Variants in PLCZ1 observed in about 807,000 individuals in gnomAD.
PLCZ1 encodes the protein phospholipase C zeta 1.
PLCZ1 carries 64 observed loss-of-function variants against 76.8 expected under a neutral mutation model. That is an observed-to-expected ratio of 0.83 (90% CI 0.68 to 1.03). The LOEUF (loss-of-function observed/expected upper bound fraction) is 1.03. Ranked by LOEUF, PLCZ1 falls within the 50% of genes least tolerant of loss-of-function variation. The pLI is 0.00. For synonymous variants in PLCZ1, 248 were observed against 230.8 expected (o/e 1.07, Z -0.68); for missense variants, 751 against 713.7 (o/e 1.05, Z -0.60).
At chr12:18,714,409 A>T (rs1384509744) in intron 5 of PLCZ1, among the ~76,000 whole-genome samples, 1 of 152,176 alleles carries the variant, frequency 6.6e-6, no homozygotes, top group Non-Finnish European at 1.5e-5. Flanking sequence ...ACATAAACTG[A>T]CTGTTAGTAA....
chr12:18,677,290 A>T, the PLCZ1 span, among the ~76,000 whole-genome samples: 1 of 152,148 alleles, frequency 6.6e-6, no homozygotes, highest in Non-Finnish European at 1.5e-5. Flanking sequence ...CGAGCAAGAC[A>T]GTTTCTAGAA....
chr12:18,675,558 A>T, the PLCZ1 span, among the ~76,000 whole-genome samples: 5 of 152,178 alleles, frequency 3.3e-5, no homozygotes, highest in Non-Finnish European at 5.9e-5. Flanking sequence ...TATCAAAAAC[A>T]TACCTGCACC....
chr12:18,737,261 G>T lies in PLCZ1; in HGVS notation c.11+100C>A. Reference sequence around the variant, plus strand: ...AAAGCAGTTCAACTTAAATGAAGAGGACTTAAATTCAGAACTCCTCGAAAA... The same window carrying T: ...AAAGCAGTTCAACTTAAATGAAGAGTACTTAAATTCAGAACTCCTCGAAAA... On this transcript the variant is annotated intron_variant, in intron 2 of 14. Coordinates refer to ENST00000266505, the MANE Select transcript of PLCZ1 (RefSeq NM_033123.4). 7 of 1,274,782 alleles carry T rather than the reference G, an allele frequency of 5.5e-6. No homozygotes were observed. In the South Asian group the frequency reaches 6.0e-5, roughly 11 times the overall value. The allele number at this position is 1,274,782 out of a possible 1,614,324, so 79.0% of individuals were successfully genotyped here.
intron 6 of PLCZ1, among the ~76,000 whole-genome samples, chr12:18,711,065 C>T (rs1329069256): frequency 6.6e-6 from 1 of 151,992 alleles, no homozygotes; most frequent in Non-Finnish European, 1.5e-5. Flanking sequence ...AATCATGCTG[C>T]TATAAAGACA....
Position 18,688,194 on chromosome 12 carries a change from G to C in PLCZ1, c.1486C>G (p.Leu496Val), listed in dbSNP as rs773624229. 1 of 1,610,084 alleles carries C rather than the reference G, an allele frequency of 6.2e-7. No individual in the cohort carries two copies. Among genetic ancestry groups the C allele is most frequent in the Non-Finnish European group, 8.5e-7 (1 of 1,178,342 alleles). The change falls in exon 13 of 15, where the codon CTT becomes GTT. Residue 496 changes from leucine (L) to valine (V), a missense_variant. Physicochemically the swap from Leu to Val is conservative, Grantham distance 32. Coordinates refer to ENST00000266505, the MANE Select transcript of PLCZ1 (RefSeq NM_033123.4). ...IRLISGIQLP[L>V]THSSSNKGDS... ...CCTTTGTTAGATGATGAATGAGTAA[G>C]AGGCAACTGGATACCACTGATGAGC...
the PLCZ1 span, among the ~76,000 whole-genome samples, chr12:18,662,432 C>T: frequency 6.6e-6 from 1 of 151,178 alleles, no homozygotes; most frequent in East Asian, 1.9e-4. Context: ...AATTTATGAC[C>T]CTAGATCTAC....
chr12:18,691,116 G>C (rs1954007657), intron 12 of PLCZ1, among the ~76,000 whole-genome samples: 1 of 152,096 alleles, frequency 6.6e-6, no homozygotes, highest in Non-Finnish European at 1.5e-5. Context: ...CAGATCAAGA[G>C]AATGGAGAAG....
chr12:18,709,646 C>T (rs1219210309), intron 6 of PLCZ1, among the ~76,000 whole-genome samples: 2 of 152,002 alleles, frequency 1.3e-5, no homozygotes. Context: ...CTTTGGAAGG[C>T]CAAGATGAGA....
chr12:18,646,335 C>T, the PLCZ1 span, among the ~76,000 whole-genome samples: 1 of 152,140 alleles, frequency 6.6e-6, no homozygotes, highest in Non-Finnish European at 1.5e-5. Flanking sequence ...ACCATAATCT[C>T]CTGTATGGAA....
chr12:18,700,139 G>A (rs546988906), intron 9 of PLCZ1, among the ~76,000 whole-genome samples, 189 bp from the exon 10 acceptor site: 2 of 152,112 alleles, frequency 1.3e-5, no homozygotes, highest in Admixed American at 1.3e-4. Flanking sequence ...GTTAAGATAA[G>A]CTAGCTTAAA....
rs573328177 is a variant in PLCZ1 at position 18,732,824 on chromosome 12, A to G, written c.135+3397T>C. ...ATTCTTTATTTTTTCAGGATGAGTA[A>G]TATTTCATTGTATGTACATACTATA... On this transcript the variant is annotated intron_variant, in intron 3 of 14. Coordinates refer to ENST00000266505, the MANE Select transcript of PLCZ1 (RefSeq NM_033123.4). Among the ~76,000 whole-genome samples the G allele has an allele frequency of 9.8e-5, 15 of 152,302 alleles. No homozygotes were observed. The East Asian group carries it at 2.9e-3, about 29-fold the overall frequency.
At chr12:18,694,096 C>T in intron 12 of PLCZ1, 2 of 1,084,764 alleles carry the variant, frequency 1.8e-6, no homozygotes, top group Non-Finnish European at 2.8e-6. Context: ...GGCTGTATCT[C>T]TAGTGAACTA....
chr12:18,678,394 T>G (rs2137008593), downstream of PLCZ1, among the ~76,000 whole-genome samples: 1 of 152,180 alleles, frequency 6.6e-6, no homozygotes, highest in South Asian at 2.1e-4. Context: ...ACGTTTGAAG[T>G]ATACAATTTG....
intron 13 of PLCZ1, 21 bp from the exon 14 acceptor site, chr12:18,684,300 A>T (rs200524344): frequency 1.3e-6 from 2 of 1,583,088 alleles, no homozygotes; most frequent in Middle Eastern, 1.7e-4. Flanking sequence ...AAAAAAGAAG[A>T]TACAAAGAAT....
Position 18,736,262 on chromosome 12 carries a change from C to A in PLCZ1, c.94G>T (p.Asp32Tyr), listed in dbSNP as rs372753672. ...ACATGAATATAACTGCACCGAATAT[C>A]TAATTTTTCAAGTAACCTCTGAGTT... ...EKTQRLLEKLDIRCSYIHVKQ... is the reference protein window; with the variant it reads ...EKTQRLLEKLYIRCSYIHVKQ... Residue 32 changes from aspartate (D) to tyrosine (Y), a missense_variant, in exon 3 of 15, where the codon GAT (aspartate) becomes TAT (tyrosine). Transcript: ENST00000266505. 6.2e-7 allele frequency: 1 copy of A among 1,612,780 alleles called. No homozygotes were observed. Among genetic ancestry groups the A allele is most frequent in the Non-Finnish European group, 8.5e-7 (1 of 1,179,246 alleles).
At chr12:18,657,448 C>T in the PLCZ1 span, among the ~76,000 whole-genome samples, 1 of 141,428 alleles carries the variant, frequency 7.1e-6, no homozygotes, top group East Asian at 1.9e-4. Flanking sequence ...GAGTAGTAAG[C>T]TTACAAGCTG....
At chr12:18,695,303 A>G (rs891517509) in intron 11 of PLCZ1, among the ~76,000 whole-genome samples, 4 of 152,208 alleles carry the variant, frequency 2.6e-5, no homozygotes, top group African/African-American at 9.6e-5. Flanking sequence ...AAATTACTAC[A>G]CAGCTTTGAG....
At chr12:18,678,110 C>A in the PLCZ1 span, among the ~76,000 whole-genome samples, 1 of 152,072 alleles carries the variant, frequency 6.6e-6, no homozygotes. Context: ...GCCCAGCTGT[C>A]CACAGAGTCT....
At chr12:18,699,027 G>A (rs775439985) in intron 10 of PLCZ1, among the ~76,000 whole-genome samples, 3 of 152,110 alleles carry the variant, frequency 2.0e-5, no homozygotes, top group Non-Finnish European at 4.4e-5. Flanking sequence ...CCCACATAAT[G>A]AGTCTTCTTT....
Sources: gnomAD v4.1 joint callset for allele counts (sites outside exome capture counted in the v4.1 genomes callset) on GRCh38, gnomAD v4.1.1 for gene constraint, MANE v1.5 for transcripts, NCBI Gene and HGNC (gene_info 2026-07-23, HGNC 2026-07-21) for gene names.